The following PPP1CB variants were observed in gnomAD, a reference collection of about 807,000 sequenced individuals.
PPP1CB encodes the protein protein phosphatase 1 catalytic subunit beta, also known as serine/threonine-protein phosphatase PP1-beta catalytic subunit.
Under a neutral mutation model 43.7 loss-of-function variants are expected in PPP1CB, and 2 were observed. The observed-to-expected ratio is 0.05, with a 90% confidence interval of 0.02 to 0.14. PPP1CB has a LOEUF of 0.14. Among genes scored for constraint, PPP1CB ranks in the 10% least tolerant of loss-of-function variants. The pLI, the probability that PPP1CB is intolerant of heterozygous loss-of-function variation, is 1.00. For missense variants in PPP1CB, 84 were observed against 398.0 expected (o/e 0.21, Z 6.71); for synonymous variants, 136 against 135.6 (o/e 1.00, Z -0.02).
intron 6 of PPP1CB, among the ~76,000 whole-genome samples, chr2:28,792,896 A>G (rs748039243): frequency 2.0e-5 from 3 of 152,078 alleles, no homozygotes; most frequent in South Asian, 2.1e-4. Context: ...GAAATTGACA[A>G]CTGGTTCTAG....
At chr2:28,789,405 A>C in intron 6 of PPP1CB, among the ~76,000 whole-genome samples, 1 of 151,318 alleles carries the variant, frequency 6.6e-6, no homozygotes, top group African/African-American at 2.4e-5. Flanking sequence ...GCTACGTGGG[A>C]GGCTGAGGTG....
At chr2:28,781,916 G>C (rs774994672) in intron 4 of PPP1CB, 74 bp downstream of exon 4, 3 of 1,037,162 alleles carry the variant, frequency 2.9e-6, no homozygotes, top group Non-Finnish European at 4.5e-6. Flanking sequence ...TAATCAAGAG[G>C]CTGTGGGAAA....
intron 3 of PPP1CB, among the ~76,000 whole-genome samples, chr2:28,780,838 TGCTAG>T (rs908605248): frequency 2.0e-5 from 3 of 152,230 alleles, no homozygotes; most frequent in African/African-American, 4.8e-5. Flanking sequence ...TAGCTTTTTA[TGCTAG>T]GCTACAGGAA....
At chr2:28,755,603 G>A (rs1456571680) in intron 1 of PPP1CB, among the ~76,000 whole-genome samples, 5 of 152,124 alleles carry the variant, frequency 3.3e-5, no homozygotes, top group African/African-American at 9.7e-5. Context: ...TGGAAAATCC[G>A]GTAAAAGCTT....
intron 1 of PPP1CB, among the ~76,000 whole-genome samples, chr2:28,769,874 A>G (rs1157794035): frequency 6.6e-6 from 1 of 152,200 alleles, no homozygotes; most frequent in Non-Finnish European, 1.5e-5. Flanking sequence ...AAAGAAATGC[A>G]GGGAAAGAGA....
At chr2:28,754,194 CT>C (rs1463290134) in intron 1 of PPP1CB, among the ~76,000 whole-genome samples, 1 of 151,874 alleles carries the variant, frequency 6.6e-6, no homozygotes, top group Non-Finnish European at 1.5e-5. Flanking sequence ...TTAGACGCAC[CT>C]TTATATGATT....
intron 5 of PPP1CB, among the ~76,000 whole-genome samples, chr2:28,785,385 C>T (rs1667245186): frequency 6.6e-6 from 1 of 151,892 alleles, no homozygotes; most frequent in African/African-American, 2.4e-5. Flanking sequence ...GTGTTATGAG[C>T]TTTTTTACAT....
chr2:28,789,402 G>C (rs1267914059), intron 6 of PPP1CB, among the ~76,000 whole-genome samples: 2 of 151,696 alleles, frequency 1.3e-5, no homozygotes, highest in East Asian at 3.9e-4. Context: ...CCAGCTACGT[G>C]GGAGGCTGAG....
intron 7 of PPP1CB, among the ~76,000 whole-genome samples, chr2:28,798,474 G>A (rs1401253597): frequency 6.6e-6 from 1 of 151,998 alleles, no homozygotes; most frequent in Non-Finnish European, 1.5e-5. Flanking sequence ...GATAAACTGT[G>A]GTACATCCAT....
intron 5 of PPP1CB, among the ~76,000 whole-genome samples, chr2:28,786,472 T>C (rs1011796569): frequency 6.6e-6 from 1 of 152,108 alleles, no homozygotes; most frequent in African/African-American, 2.4e-5. Context: ...GTTGCTACCA[T>C]TATTTGATTT....
chr2:28,779,015 C>A lies in PPP1CB; in HGVS notation c.391C>A (p.Arg131Ser). 1 of 1,594,104 alleles carries A rather than the reference C, an allele frequency of 6.3e-7. No individual in the cohort carries two copies. The highest frequency in any genetic ancestry group is 1.1e-5 in the South Asian group (1 of 90,282). Residue 131 changes from arginine to serine, a missense_variant, in exon 3 of 8, where the codon CGC becomes AGC. Transcript: ENST00000395366. Reference protein sequence around the residue: ...RGNHECASINRIYGFYDECKR... With the variant: ...RGNHECASINSIYGFYDECKR... ...AAACCATGAGTGTGCTAGCATCAAT[C>A]GCATTTATGGATTCTATGATGAATG... is the stretch of plus-strand genomic sequence containing the variant.
intron 1 of PPP1CB, among the ~76,000 whole-genome samples, chr2:28,754,381 G>A (rs374881576): frequency 6.6e-6 from 1 of 151,440 alleles, no homozygotes; most frequent in East Asian, 1.9e-4. Context: ...GTCCAGATAC[G>A]TTTCTCTCTT....
At chr2:28,762,544 T>C (rs1666680385) in intron 1 of PPP1CB, among the ~76,000 whole-genome samples, 1 of 152,216 alleles carries the variant, frequency 6.6e-6, no homozygotes, top group Non-Finnish European at 1.5e-5. Context: ...AGTAGTTTAA[T>C]AGCTGTTCTA....
intron 5 of PPP1CB, among the ~76,000 whole-genome samples, chr2:28,784,936 AAAAAAG>A (rs1375459037): frequency 1.7e-5 from 2 of 114,406 alleles, no homozygotes; most frequent in Non-Finnish European, 1.9e-5. Context: ...AAAAAAAAAG[AAAAAAG>A]AAACAACAAT....
intron 1 of PPP1CB, 22 bp downstream of exon 1, chr2:28,752,198 G>T: frequency 6.5e-7 from 1 of 1,530,498 alleles, no homozygotes; most frequent in Non-Finnish European, 8.8e-7. Flanking sequence ...CCTGGCCGCG[G>T]GACAGAGGGA....
intron 4 of PPP1CB, 95 bp from the exon 5 acceptor site, chr2:28,783,812 G>A: frequency 1.2e-6 from 1 of 804,050 alleles, no homozygotes; most frequent in Non-Finnish European, 2.0e-6. Flanking sequence ...ATTTCACATA[G>A]TGAATCTATT....
At chr2:28,772,225 C>T (rs1358266484) in intron 1 of PPP1CB, among the ~76,000 whole-genome samples, 4 of 151,952 alleles carry the variant, frequency 2.6e-5, no homozygotes, top group South Asian at 4.2e-4. Context: ...TCCTTGAACC[C>T]GGGAGGTGGA....
chr2:28,758,640 C>G (rs1666545350), intron 1 of PPP1CB, among the ~76,000 whole-genome samples: 1 of 152,210 alleles, frequency 6.6e-6, no homozygotes, highest in Admixed American at 6.5e-5. Flanking sequence ...AGTCCTTGGT[C>G]TAGATGGGTA....
At chr2:28,770,359 C>T (rs1031393832) in intron 1 of PPP1CB, among the ~76,000 whole-genome samples, 1 of 104,614 alleles carries the variant, frequency 9.6e-6, no homozygotes, top group Non-Finnish European at 1.7e-5. Context: ...AATCTAAGGA[C>T]ACAAATGAGG....
Sources: allele counts gnomAD v4.1 joint callset (sites outside exome capture counted in the v4.1 genomes callset), GRCh38; gene constraint gnomAD v4.1.1; transcripts MANE v1.5; gene names NCBI Gene and HGNC (gene_info 2026-07-23, HGNC 2026-07-21).